Variants in IGDCC4 observed in about 807,000 individuals in gnomAD.
IGDCC4 encodes the protein immunoglobulin superfamily DCC subclass member 4.
In IGDCC4, 72 loss-of-function variants were observed where a neutral mutation model predicts 116.6. The ratio of observed to expected loss-of-function variants is 0.62; its 90% CI spans 0.51 to 0.75. IGDCC4 has a LOEUF of 0.75. Among genes scored for constraint, IGDCC4 ranks in the 30% least tolerant of loss-of-function variants. The probability of loss-of-function intolerance (pLI) is 0.00; values close to 1 mark genes in which losing one functional copy is unlikely to be tolerated. For missense variants in IGDCC4, 1,501 were observed against 1,662.4 expected (o/e 0.90, Z 1.69); for synonymous variants, 709 against 719.9 (o/e 0.98, Z 0.24).
rs2140199996 is a variant in IGDCC4, at chr15:65,392,361, G to A, written c.1895C>T (p.Ala632Val). ...SMHNQSHVPF[A>V]PAELKVQAKM... is the part of the protein sequence containing the mutation. ...TGCCTGCACCTTCAACTCTGCAGGG[G>A]CAAAAGGGACTGGGGGGCAGAGGAG... Residue 632 changes from alanine (A) to valine (V), a missense_variant, in exon 11 of 20, where the codon GCC becomes GTC. Physicochemically the swap from Ala to Val is moderately conservative, Grantham distance 64. Around this residue, in one of 3 missense-constraint regions of IGDCC4, gnomAD observed 898 missense variants for 978.9 expected, o/e 0.92. Coordinates refer to ENST00000352385, the MANE Select transcript of IGDCC4 (RefSeq NM_020962.3). 6.5e-7 allele frequency: 1 copy of A among 1,526,732 alleles called. No homozygotes were observed. The highest frequency in any genetic ancestry group is 8.8e-7 in the Non-Finnish European group (1 of 1,134,812). 94.6% of individuals were successfully genotyped at this position (1,526,732 alleles called of 1,614,324 possible).
chr15:65,384,043 C>T lies in IGDCC4; in HGVS notation c.3719G>A (p.Gly1240Asp). The T allele has an allele frequency of 1.2e-6, 2 of 1,609,578 alleles. No individual in the cohort carries two copies. Among genetic ancestry groups the T allele is most frequent in the South Asian group, 1.1e-5 (1 of 90,612 alleles). The change falls in exon 20 of 20, where the codon GGC (glycine) becomes GAC (aspartate). Residue 1240 changes from glycine (G) to aspartate (D), a missense_variant. Coordinates refer to ENST00000352385, the MANE Select transcript of IGDCC4 (RefSeq NM_020962.3). This position sits in a 1 kb window ranked among gnomAD's most constrained non-coding sequence, Gnocchi z 4.9. ...KSPCPLGASPGLPRSPVSSSA is the reference protein window; with the variant it reads ...KSPCPLGASPDLPRSPVSSSA ...GGAGGAGACCGGGGATCTGGGCAGG[C>T]CTGGGCTGGCTCCTAGAGGGCAGGG...
chr15:65,398,533 C>CAAAAAAAAAAAAAAAAAA (rs3082803), intron 5 of IGDCC4, among the ~76,000 whole-genome samples: 1 of 77,638 alleles, frequency 1.3e-5, no homozygotes, highest in Non-Finnish European at 2.5e-5. Flanking sequence ...AACTCCATCT[C>CAAAAAAAAAAAAAAAAAA]AAAAAAAAAA....
At chr15:65,390,987 C>T (rs930677412) in intron 12 of IGDCC4, among the ~76,000 whole-genome samples, 2 of 152,110 alleles carry the variant, frequency 1.3e-5, no homozygotes, top group African/African-American at 2.4e-5. Context: ...AATCCCAGCA[C>T]GTTGGGAGGC....
intron 1 of IGDCC4, among the ~76,000 whole-genome samples, chr15:65,420,044 T>C (rs1465622837): frequency 6.9e-6 from 1 of 144,366 alleles, no homozygotes; most frequent in Non-Finnish European, 1.5e-5. Flanking sequence ...CCTCCCAGGT[T>C]CAAACGATTC....
chr15:65,397,030 G>A (rs1259286994), intron 5 of IGDCC4, 41 bp from the exon 6 acceptor site: 1 of 1,556,896 alleles, frequency 6.4e-7, no homozygotes, highest in East Asian at 2.4e-5. Context: ...GGACGCTAGG[G>A]ACTGCCCTTC....
chr15:65,394,351 T>G, intron 9 of IGDCC4, 60 bp downstream of exon 9: 1 of 1,605,664 alleles, frequency 6.2e-7, no homozygotes, highest in Middle Eastern at 1.7e-4. Context: ...CCAGCAGCCC[T>G]GACAGCTCTT....
intron 5 of IGDCC4, among the ~76,000 whole-genome samples, chr15:65,400,415 C>T (rs2062972699): frequency 6.6e-6 from 1 of 152,238 alleles, no homozygotes; most frequent in African/African-American, 2.4e-5. Flanking sequence ...ACAGAGGGGT[C>T]TGGTTCCACC....
At chr15:65,412,830 G>A (rs1010977154) in intron 1 of IGDCC4, among the ~76,000 whole-genome samples, 4 of 151,986 alleles carry the variant, frequency 2.6e-5, no homozygotes, top group Non-Finnish European at 5.9e-5. Flanking sequence ...CCAGAAGGTC[G>A]AGGCTGAAGT....
At chr15:65,403,743 C>A (rs1361692947) in intron 3 of IGDCC4, among the ~76,000 whole-genome samples, 1 of 152,170 alleles carries the variant, frequency 6.6e-6, no homozygotes, top group Non-Finnish European at 1.5e-5. Context: ...ACCCAGCCAA[C>A]ACGTATGTTA....
At chr15:65,404,179 C>A (rs1286565255) in intron 3 of IGDCC4, among the ~76,000 whole-genome samples, 1 of 152,154 alleles carries the variant, frequency 6.6e-6, no homozygotes, top group Admixed American at 6.5e-5. Flanking sequence ...GCCCTACAAA[C>A]CTGCTGTGGC....
rs1309186648 is a variant in IGDCC4 at position 65,386,547 on chromosome 15, T to A, written c.2951+4A>T. On this transcript the variant is annotated splice_donor_region_variant and intron_variant, in intron 17 of 19. Coordinates refer to ENST00000352385, the MANE Select transcript of IGDCC4 (RefSeq NM_020962.3). Reference sequence around the variant, plus strand: ...CCTGAAGTCAGACTGGCTCCCCTGCTCACCTGTGGGGGCTGCGGCGCAGGC... The same window carrying A: ...CCTGAAGTCAGACTGGCTCCCCTGCACACCTGTGGGGGCTGCGGCGCAGGC... 8 of 1,593,994 alleles carry A rather than the reference T, an allele frequency of 5.0e-6. No homozygotes were observed. Among genetic ancestry groups the A allele is most frequent in the Non-Finnish European group, 6.8e-6 (8 of 1,173,390 alleles).
At position 65,393,648 on chromosome 15, in the gene IGDCC4, G is replaced by A; in HGVS notation, c.1715-117C>T. On this transcript the variant is annotated intron_variant, in intron 9 of 19. Coordinates refer to ENST00000352385, the MANE Select transcript of IGDCC4 (RefSeq NM_020962.3). The surrounding 1 kb of genome is among the most constrained non-coding windows in gnomAD (Gnocchi z 4.6). ...TTCCTCCGTGCCCGTGGGAGCCTGAGGCGTTCTCAGCACTGACCCCTCAGT... is the reference window on the plus strand; with the variant it reads ...TTCCTCCGTGCCCGTGGGAGCCTGAAGCGTTCTCAGCACTGACCCCTCAGT... 9.3e-7 allele frequency: 1 copy of A among 1,074,570 alleles called. No individual in the cohort carries two copies. Among genetic ancestry groups the A allele is most frequent in the Non-Finnish European group, 1.3e-6 (1 of 755,280 alleles). The allele number at this position is 1,074,570 out of a possible 1,614,324, so 66.6% of individuals were successfully genotyped here.
intron 5 of IGDCC4, 106 bp from the exon 6 acceptor site, chr15:65,397,095 C>T: frequency 3.7e-6 from 5 of 1,347,064 alleles, no homozygotes; most frequent in Middle Eastern, 1.9e-4. Context: ...CAAACACAAC[C>T]GTCCCTGGTC....
intron 3 of IGDCC4, among the ~76,000 whole-genome samples, chr15:65,403,374 A>T (rs978240059): frequency 2.4e-4 from 36 of 151,950 alleles, no homozygotes; most frequent in African/African-American, 8.5e-4. Flanking sequence ...TGGGGAGGGG[A>T]CCTGGGATCC....
chr15:65,393,292 G>T lies in IGDCC4; in HGVS notation c.1885+69C>A. The T allele has an allele frequency of 6.8e-7, 1 of 1,463,872 alleles. No individual in the cohort carries two copies. Among genetic ancestry groups the T allele is most frequent in the Non-Finnish European group, 9.1e-7 (1 of 1,100,130 alleles). 90.7% of individuals were successfully genotyped at this position (1,463,872 alleles called of 1,614,324 possible). On this transcript the variant is annotated intron_variant, in intron 10 of 19. Transcript: ENST00000352385. This position sits in a 1 kb window ranked among gnomAD's most constrained non-coding sequence, Gnocchi z 4.6. The stretch of plus-strand genomic sequence containing the variant: ...GGCGGGGCCAGGGGGTGGGGCGCTG[G>T]GTCCCAAGGACACACGCACACCCAC...
At chr15:65,386,083 G>C in intron 17 of IGDCC4, 24 bp from the exon 18 acceptor site, 1 of 1,418,176 alleles carries the variant, frequency 7.1e-7, no homozygotes, top group Non-Finnish European at 9.4e-7. Context: ...CGGAAAACAA[G>C]GCATAGCGGT....
At position 65,383,180 on chromosome 15, in the gene IGDCC4, A is replaced by G. The variant is rs964436982; in HGVS notation, c.*829T>C. ...ACATGAGGTAGTCACGTTGTTAGAG[A>G]AGGATGCAGAGTTTGAACCCAGGCA... On this transcript the variant is annotated 3_prime_UTR_variant, in exon 20 of 20. Transcript: ENST00000352385. The G allele has an allele frequency of 6.5e-6, 1 of 152,928 alleles. No individual in the cohort carries two copies. The highest frequency in any genetic ancestry group is 2.4e-5 in the African/African-American group (1 of 41,452). 9.5% of individuals were successfully genotyped at this position (152,928 alleles called of 1,614,324 possible). A position where few individuals can be genotyped will look rare whatever the true frequency, so the allele number is the denominator to read the frequency against.
chr15:65,422,648 G>A (rs2063204092), intron 1 of IGDCC4, 145 bp downstream of exon 1: 8 of 514,584 alleles, frequency 1.6e-5, no homozygotes, highest in Non-Finnish European at 2.3e-5. Context: ...AGACCCCCGC[G>A]CAGGCATCGC....
At chr15:65,407,772 A>G (rs912782190) in intron 3 of IGDCC4, among the ~76,000 whole-genome samples, 2 of 149,448 alleles carry the variant, frequency 1.3e-5, no homozygotes, top group African/African-American at 4.9e-5. Context: ...GATTACAGGC[A>G]TGCGTCACCA....
Sources: gnomAD v4.1 joint callset for allele counts (sites outside exome capture counted in the v4.1 genomes callset) on GRCh38, gnomAD v4.1.1 for gene constraint, gnomAD v4.1.1 regional missense constraint, Gnocchi (gnomAD v3.1) non-coding constraint, MANE v1.5 for transcripts, NCBI Gene and HGNC (gene_info 2026-07-23, HGNC 2026-07-21) for gene names.